The following FARS2 variants were observed in gnomAD, a reference collection of about 807,000 sequenced individuals.
FARS2 encodes phenylalanine--tRNA ligase, mitochondrial.
FARS2 carries 40 observed loss-of-function variants against 46.4 expected under a neutral mutation model. The observed-to-expected ratio is 0.86, with a 90% confidence interval of 0.67 to 1.12. FARS2 has a LOEUF of 1.12. Ranked by LOEUF, FARS2 falls within the 50% of genes most tolerant of loss-of-function variation. The probability of loss-of-function intolerance (pLI) is 0.00; values close to 1 mark genes in which losing one functional copy is unlikely to be tolerated. For synonymous variants in FARS2, 234 were observed against 214.9 expected, an observed-to-expected ratio of 1.09 and a Z score of -0.78; for missense variants, 513 against 567.9, an observed-to-expected ratio of 0.90 and a Z score of 0.98.
intron 6 of FARS2, among the ~76,000 whole-genome samples, chr6:5,701,925 G>A (rs1490087495): frequency 2.6e-5 from 4 of 152,000 alleles, no homozygotes; most frequent in Admixed American, 6.6e-5. Flanking sequence ...AATAGATCTC[G>A]GCAGCAATAA....
Position 5,261,562 on chromosome 6 carries a change from T to C in FARS2, c.-120T>C, listed in dbSNP as rs796905656. 28 of 152,494 alleles carry C rather than the reference T, an allele frequency of 1.8e-4. No homozygotes were observed. Among genetic ancestry groups the C allele is most frequent in the African/African-American group, 6.3e-4 (26 of 41,570 alleles). 9.4% of individuals were successfully genotyped at this position (152,494 alleles called of 1,614,324 possible). ...AGCGCCCAGCGTGCGCGGGTATCTC[T>C]GAAGTTGGGGTTTAAGATTCTTGCC... On this transcript the variant is annotated 5_prime_UTR_variant, in exon 1 of 7. An upstream open reading frame in the 5' UTR loses its in-frame stop. Coordinates refer to ENST00000274680, the MANE Select transcript of FARS2 (RefSeq NM_006567.5).
In FARS2 at chr6:5,368,627, G is replaced by A. The variant is rs1758829498; in HGVS notation, c.57G>A (p.Lys19=). 1.2e-6 allele frequency: 2 copies of A among 1,613,996 alleles called. No individual in the cohort carries two copies. The highest frequency in any genetic ancestry group is 1.7e-6 in the Non-Finnish European group (2 of 1,179,994). ...ATGCATATGTCTACCTGGTGAGTAA[G>A]GCCAGTCACATCTCCAGAGGCCATC... ...GAHAYVYLVS[K]ASHISRGHQH... Residue 19 remains lysine (K), a synonymous_variant, in exon 2 of 7, where the codon AAG becomes AAA. Coordinates refer to ENST00000274680, the MANE Select transcript of FARS2 (RefSeq NM_006567.5).
chr6:5,507,843 G>A (rs991584882), intron 4 of FARS2, among the ~76,000 whole-genome samples: 12 of 152,236 alleles, frequency 7.9e-5, no homozygotes, highest in African/African-American at 2.4e-4. Flanking sequence ...AGGTGTATAA[G>A]AATTTGTTTA....
At chr6:5,679,503 C>T (rs1176553392) in intron 6 of FARS2, among the ~76,000 whole-genome samples, 2 of 152,184 alleles carry the variant, frequency 1.3e-5, no homozygotes, top group African/African-American at 4.8e-5. Context: ...GACCCTCCTC[C>T]ATCACCCCTC....
intron 6 of FARS2, among the ~76,000 whole-genome samples, chr6:5,755,596 T>C (rs2150970253): frequency 6.6e-6 from 1 of 152,336 alleles, no homozygotes; most frequent in South Asian, 2.1e-4. Context: ...TTTTCAATCA[T>C]TTAAGTACTT....
chr6:5,768,461 G>C (rs1329093529), intron 6 of FARS2, among the ~76,000 whole-genome samples: 1 of 152,110 alleles, frequency 6.6e-6, no homozygotes, highest in Non-Finnish European at 1.5e-5. Context: ...AACTTTTAGA[G>C]GTGCCATATT....
upstream of FARS2, among the ~76,000 whole-genome samples, chr6:5,258,002 T>C (rs1581614776): frequency 1.3e-5 from 2 of 152,122 alleles, no homozygotes; most frequent in South Asian, 2.1e-4. Flanking sequence ...TCAGAGAAGG[T>C]GACAATTGAG....
At chr6:5,664,215 A>G (rs764980359) in intron 6 of FARS2, among the ~76,000 whole-genome samples, 19 of 152,236 alleles carry the variant, frequency 1.2e-4, no homozygotes, top group Non-Finnish European at 2.6e-4. Flanking sequence ...TGCTAATTTT[A>G]TGCTGAAAAT....
chr6:5,627,858 G>A (rs902742405), intron 6 of FARS2, among the ~76,000 whole-genome samples: 1 of 152,214 alleles, frequency 6.6e-6, no homozygotes, highest in Non-Finnish European at 1.5e-5. Context: ...CCAGCTAGGT[G>A]ACCAGAACTC....
At chr6:5,310,643 G>C (rs1336714207) in intron 1 of FARS2, among the ~76,000 whole-genome samples, 1 of 152,166 alleles carries the variant, frequency 6.6e-6, no homozygotes, top group African/African-American at 2.4e-5. Context: ...CAGCTTCACT[G>C]ATAATTAATG....
intron 2 of FARS2, among the ~76,000 whole-genome samples, chr6:5,387,164 T>A (rs1183130354): frequency 6.6e-6 from 1 of 152,114 alleles, no homozygotes; most frequent in East Asian, 1.9e-4. Context: ...AAGAATGGAA[T>A]ATATTCATAG....
At chr6:5,721,394 C>T (rs576436238) in intron 6 of FARS2, among the ~76,000 whole-genome samples, 3 of 152,200 alleles carry the variant, frequency 2.0e-5, no homozygotes, top group East Asian at 1.9e-4. Context: ...CTACCAAAAC[C>T]GGAAAAGTAG....
At chr6:5,427,190 A>G (rs1002249673) in intron 3 of FARS2, among the ~76,000 whole-genome samples, 14 of 152,222 alleles carry the variant, frequency 9.2e-5, no homozygotes, top group African/African-American at 2.9e-4. Flanking sequence ...TAGCATATCC[A>G]TCATGATATT....
At chr6:5,579,309 G>T (rs1335370805) in intron 5 of FARS2, among the ~76,000 whole-genome samples, 1 of 152,080 alleles carries the variant, frequency 6.6e-6, no homozygotes, top group Non-Finnish European at 1.5e-5. Context: ...CTCCCAGGCT[G>T]GAGTGCAGCG....
At chr6:5,413,540 A>C (rs1008576051) in intron 3 of FARS2, among the ~76,000 whole-genome samples, 4 of 152,166 alleles carry the variant, frequency 2.6e-5, no homozygotes, top group African/African-American at 9.7e-5. Context: ...TAGAAAGCTC[A>C]ATTTCCTGAT....
At chr6:5,560,893 C>T (rs1364928808) in intron 5 of FARS2, among the ~76,000 whole-genome samples, 1 of 152,138 alleles carries the variant, frequency 6.6e-6, no homozygotes, top group Non-Finnish European at 1.5e-5. Flanking sequence ...CTCTGGGGGA[C>T]AGAGGCAGGC....
At chr6:5,754,908 T>C (rs988752183) in intron 6 of FARS2, among the ~76,000 whole-genome samples, 1 of 152,232 alleles carries the variant, frequency 6.6e-6, no homozygotes, top group Non-Finnish European at 1.5e-5. Flanking sequence ...TCAGGACTTA[T>C]TATGTTTCCT....
At chr6:5,356,117 G>A (rs554566368) in intron 1 of FARS2, among the ~76,000 whole-genome samples, 5 of 152,260 alleles carry the variant, frequency 3.3e-5, no homozygotes, top group East Asian at 3.9e-4. Context: ...CACATTTCAC[G>A]CCTTTCTGTG....
intron 5 of FARS2, among the ~76,000 whole-genome samples, chr6:5,551,837 C>T (rs1229781887): frequency 2.6e-5 from 4 of 152,180 alleles, no homozygotes; most frequent in African/African-American, 9.7e-5. Context: ...TGCCACTTCC[C>T]TCTGTAAACA....
Sources: allele counts gnomAD v4.1 joint callset (sites outside exome capture counted in the v4.1 genomes callset), GRCh38; gene constraint gnomAD v4.1.1; transcripts MANE v1.5; gene names NCBI Gene and HGNC (gene_info 2026-07-23, HGNC 2026-07-21).